The following IFT74 variants were observed in gnomAD, a reference collection of about 807,000 sequenced individuals.
IFT74 encodes the protein intraflagellar transport 74.
A neutral mutation model predicts 96.7 loss-of-function variants in IFT74; 92 were observed. The ratio of observed to expected loss-of-function variants is 0.95; its 90% CI spans 0.80 to 1.13. The LOEUF (loss-of-function observed/expected upper bound fraction) is 1.13, where lower values mean the gene tolerates loss of function less well. IFT74 is among the 50% of genes most tolerant of loss of function. The pLI, the probability that IFT74 is intolerant of heterozygous loss-of-function variation, is 0.00. For synonymous variants in IFT74, 223 were observed against 213.2 expected, an observed-to-expected ratio of 1.05 and a Z score of -0.40; for missense variants, 811 against 698.2, an observed-to-expected ratio of 1.16 and a Z score of -1.82.
intron 13 of IFT74, among the ~76,000 whole-genome samples, chr9:27,042,815 T>G (rs1819536379): frequency 1.3e-5 from 2 of 152,208 alleles, no homozygotes. Context: ...TAGTAGCTTT[T>G]CTGCCACTTC....
intron 16 of IFT74, among the ~76,000 whole-genome samples, chr9:27,054,143 C>T (rs925835219): frequency 1.3e-5 from 2 of 152,176 alleles, no homozygotes; most frequent in African/African-American, 4.8e-5. Flanking sequence ...TTTCTCAAAT[C>T]AGTGACTTTC....
chr9:27,061,677 GTA>G lies in IFT74; in HGVS notation c.1685-923_1685-922del, dbSNP rs10668267. Reference sequence around the variant, plus strand: ...ACCATATAGTTATATATATCCACAAGTATATATATATATATATATGTACATAA... The same window carrying G: ...ACCATATAGTTATATATATCCACAAGTATATATATATATATATGTACATAA... On this transcript the variant is annotated intron_variant, in intron 19 of 19. Coordinates refer to ENST00000380062, the MANE Select transcript of IFT74 (RefSeq NM_025103.4). Among the ~76,000 whole-genome samples, 244 of 142,934 alleles carry G rather than the reference GTA, an allele frequency of 1.7e-3. 1 individual carries two copies. The Middle Eastern group carries it at 0.018, about 11-fold the overall frequency. 93.8% of individuals were successfully genotyped at this position (142,934 alleles called of 152,430 possible).
chr9:27,001,969 G>A (rs765041114), intron 8 of IFT74, among the ~76,000 whole-genome samples: 4 of 151,318 alleles, frequency 2.6e-5, no homozygotes, highest in Admixed American at 1.3e-4. Context: ...AAAGAAAAGA[G>A]GTTTAATTGA....
intron 8 of IFT74, among the ~76,000 whole-genome samples, chr9:26,998,884 C>T (rs569901004): frequency 1.1e-3 from 164 of 151,704 alleles, no homozygotes; most frequent in Non-Finnish European, 2.2e-3. Context: ...ATCCCAGCTA[C>T]TTGGGAGGCT....
chr9:27,033,378 C>T (rs1227859695), intron 13 of IFT74, among the ~76,000 whole-genome samples: 15 of 151,586 alleles, frequency 9.9e-5, no homozygotes, highest in African/African-American at 2.9e-4. Flanking sequence ...GGCAACAGGG[C>T]GAAAACCTGT....
intron 2 of IFT74, among the ~76,000 whole-genome samples, chr9:26,965,448 A>G (rs548080042): frequency 2.0e-5 from 3 of 152,198 alleles, no homozygotes; most frequent in South Asian, 2.1e-4. Context: ...CTAGAGTTTC[A>G]GGTAATAATA....
At chr9:26,965,057 C>A (rs1826547499) in intron 2 of IFT74, among the ~76,000 whole-genome samples, 1 of 152,044 alleles carries the variant, frequency 6.6e-6, no homozygotes, top group Non-Finnish European at 1.5e-5. Context: ...ACAGGTGAAT[C>A]TTAAATAATG....
intron 8 of IFT74, among the ~76,000 whole-genome samples, chr9:26,992,258 T>G (rs1410255613): frequency 6.6e-6 from 1 of 150,548 alleles, no homozygotes; most frequent in East Asian, 1.9e-4. Flanking sequence ...TCTATTTGGT[T>G]TTTTTTATTT....
intron 1 of IFT74, among the ~76,000 whole-genome samples, chr9:26,950,658 T>G (rs954271367): frequency 6.6e-6 from 1 of 152,258 alleles, no homozygotes; most frequent in Non-Finnish European, 1.5e-5. Context: ...GTTATAATTC[T>G]GCAAAGGTAG....
In IFT74 at chr9:27,064,745, G is replaced by T. The variant is rs1820557001; in HGVS notation, c.*2009G>T. On this transcript the variant is annotated 3_prime_UTR_variant, in exon 20 of 20. Coordinates refer to ENST00000380062, the MANE Select transcript of IFT74 (RefSeq NM_025103.4). The stretch of plus-strand genomic sequence containing the variant: ...TTAAATGCCTTTACTTTTTCCTTAG[G>T]TTTTTTTTTATGATTTCTACTTAAG... Among the ~76,000 whole-genome samples the T allele has an allele frequency of 6.6e-6, 1 of 150,794 alleles. No homozygotes were observed. Among genetic ancestry groups the T allele is most frequent in the South Asian group, 2.1e-4 (1 of 4,772 alleles).
At chr9:26,997,890 T>C in intron 8 of IFT74, 1 of 1,614,194 alleles carries the variant, frequency 6.2e-7, no homozygotes, top group Non-Finnish European at 8.5e-7. Flanking sequence ...TTTAGGCTTC[T>C]TAGAGGCACA....
intron 12 of IFT74, among the ~76,000 whole-genome samples, chr9:27,026,342 C>T (rs1829858108): frequency 6.6e-6 from 1 of 152,186 alleles, no homozygotes; most frequent in African/African-American, 2.4e-5. Flanking sequence ...ACAATTACCA[C>T]TAGACCTAAC....
Position 26,984,007 on chromosome 9 carries a change from C to A in IFT74, c.306-250C>A, listed in dbSNP as rs1827511965. On this transcript the variant is annotated intron_variant, in intron 4 of 19. Transcript: ENST00000380062. ...CCATGTTGGCCAGGCTTGTCTTGAGCTCCTGACCTCACGTGATGCGCCTGC... is the reference window on the plus strand; with the variant it reads ...CCATGTTGGCCAGGCTTGTCTTGAGATCCTGACCTCACGTGATGCGCCTGC... 7 of 265,306 alleles carry A rather than the reference C, an allele frequency of 2.6e-5. No individual in the cohort carries two copies. In the South Asian group the frequency reaches 2.7e-4, roughly 10 times the overall value. The allele number at this position is 265,306 out of a possible 1,614,324, so 16.4% of individuals were successfully genotyped here.
chr9:26,950,704 G>A (rs988896110), intron 1 of IFT74, among the ~76,000 whole-genome samples: 4 of 152,190 alleles, frequency 2.6e-5, no homozygotes, highest in African/African-American at 9.7e-5. Flanking sequence ...ACCACTTGTG[G>A]TTTGGTGCTG....
In IFT74 at chr9:26,984,531, T is replaced by G. The variant is rs773521669; in HGVS notation, c.437T>G (p.Leu146Arg). Reference protein sequence around the residue: ...AETLAVEIKELQGQLADYNML... With the variant: ...AETLAVEIKERQGQLADYNML... ...ACTTTAGCTGTTGAGATAAAAGAGCTTCAAGGACAACTAGCAGACTACAAC... is the reference window on the plus strand; with the variant it reads ...ACTTTAGCTGTTGAGATAAAAGAGCGTCAAGGACAACTAGCAGACTACAAC... Residue 146 changes from leucine (L) to arginine (R), a missense_variant, in exon 6 of 20, where the codon CTT (leucine) becomes CGT (arginine). Leu to Arg is a moderately radical substitution (Grantham distance 102, BLOSUM62 -2). Transcript: ENST00000380062. 1.2e-5 allele frequency: 20 copies of G among 1,612,312 alleles called. No homozygotes were observed. In the African/African-American group the frequency reaches 2.5e-4, roughly 20 times the overall value.
intron 19 of IFT74, among the ~76,000 whole-genome samples, chr9:27,061,876 T>C (rs2131718060): frequency 6.6e-6 from 1 of 152,122 alleles, no homozygotes; most frequent in East Asian, 1.9e-4. Flanking sequence ...TCTCATCTTA[T>C]TGTTTACTTT....
intron 4 of IFT74, among the ~76,000 whole-genome samples, chr9:26,982,982 T>C (rs1827455243): frequency 1.3e-5 from 2 of 152,228 alleles, no homozygotes; most frequent in Non-Finnish European, 2.9e-5. Flanking sequence ...CTTGTTCTAC[T>C]GTCCTATCTC....
intron 12 of IFT74, among the ~76,000 whole-genome samples, chr9:27,024,659 A>T (rs2131634066): frequency 6.6e-6 from 1 of 152,322 alleles, no homozygotes; most frequent in East Asian, 1.9e-4. Context: ...ATCCAAACCA[A>T]GAAGAAATCT....
intron 12 of IFT74, among the ~76,000 whole-genome samples, chr9:27,027,728 T>TA (rs1829933937): frequency 1.3e-5 from 2 of 152,198 alleles, no homozygotes; most frequent in Admixed American, 1.3e-4. Flanking sequence ...ACATGATTTG[T>TA]AAAAATTTTC....
Sources: gnomAD v4.1 joint callset for allele counts (sites outside exome capture counted in the v4.1 genomes callset) on GRCh38, gnomAD v4.1.1 for gene constraint, MANE v1.5 for transcripts, NCBI Gene and HGNC (gene_info 2026-07-23, HGNC 2026-07-21) for gene names.